The following CNTN5 variants were observed in gnomAD, a reference collection of about 807,000 sequenced individuals.
CNTN5 encodes the protein contactin-5.
In CNTN5, 77 loss-of-function variants were observed where a neutral mutation model predicts 129.1. The ratio of observed to expected loss-of-function variants is 0.60; its 90% CI spans 0.50 to 0.72. CNTN5 has a LOEUF of 0.72. Among genes scored for constraint, CNTN5 ranks in the 30% least tolerant of loss-of-function variants. CNTN5 has a pLI of 0.00. For synonymous variants in CNTN5, 509 were observed against 465.6 expected (o/e 1.09, Z -1.20); for missense variants, 1,478 against 1,328.8 (o/e 1.11, Z -1.75).
intron 1 of CNTN5, among the ~76,000 whole-genome samples, chr11:99,276,007 T>A (rs1203556012): frequency 6.6e-6 from 1 of 151,658 alleles, no homozygotes; most frequent in Non-Finnish European, 1.5e-5. Flanking sequence ...TCTGCCCCAC[T>A]CTTTTCCTAG....
At chr11:99,565,042 T>C (rs1948958112) in intron 3 of CNTN5, among the ~76,000 whole-genome samples, 1 of 152,330 alleles carries the variant, frequency 6.6e-6, no homozygotes, top group East Asian at 1.9e-4. Context: ...ATCACAATAA[T>C]ATTTAGTACA....
chr11:100,033,850 C>T (rs1296332954), intron 9 of CNTN5, among the ~76,000 whole-genome samples: 3 of 152,194 alleles, frequency 2.0e-5, no homozygotes, highest in Admixed American at 1.3e-4. Flanking sequence ...AGGTCAGATG[C>T]TACTTTCCAG....
intron 17 of CNTN5, among the ~76,000 whole-genome samples, chr11:100,262,401 A>C (rs1393836762): frequency 6.6e-6 from 1 of 152,218 alleles, no homozygotes; most frequent in East Asian, 1.9e-4. Flanking sequence ...AAGGATATAG[A>C]ACTGGAAATA....
intron 3 of CNTN5, among the ~76,000 whole-genome samples, chr11:99,802,910 G>T (rs1946157403): frequency 6.6e-6 from 1 of 152,186 alleles, no homozygotes; most frequent in African/African-American, 2.4e-5. Context: ...AGGTGGCATG[G>T]CTCAGGCTGC....
At chr11:100,252,996 T>C (rs1168786700) in intron 16 of CNTN5, among the ~76,000 whole-genome samples, 2 of 152,092 alleles carry the variant, frequency 1.3e-5, no homozygotes, top group Non-Finnish European at 2.9e-5. Context: ...GTGAAAAAAT[T>C]GACTCCACCG....
chr11:100,314,846 G>T (rs992672949), intron 21 of CNTN5, among the ~76,000 whole-genome samples: 3 of 152,142 alleles, frequency 2.0e-5, no homozygotes, highest in African/African-American at 7.2e-5. Context: ...CCCTAAGTTG[G>T]CAGTCAAATT....
chr11:100,314,374 G>A (rs1487189490), intron 21 of CNTN5, among the ~76,000 whole-genome samples: 1 of 152,084 alleles, frequency 6.6e-6, no homozygotes, highest in Admixed American at 6.6e-5. Flanking sequence ...CTTTAACATG[G>A]TGTTTCCCTT....
At chr11:100,100,650 A>G (rs1945188208) in intron 13 of CNTN5, among the ~76,000 whole-genome samples, 1 of 152,136 alleles carries the variant, frequency 6.6e-6, no homozygotes, top group Non-Finnish European at 1.5e-5. Context: ...GAATCAATCA[A>G]AAACTACAGT....
intron 6 of CNTN5, among the ~76,000 whole-genome samples, chr11:99,874,937 T>C (rs1948594763): frequency 6.6e-6 from 1 of 152,152 alleles, no homozygotes; most frequent in Admixed American, 6.5e-5. Flanking sequence ...TTCCTCTCAG[T>C]GTGCTGTGAC....
intron 13 of CNTN5, among the ~76,000 whole-genome samples, chr11:100,078,531 C>T (rs961516799): frequency 2.6e-5 from 4 of 151,964 alleles, no homozygotes; most frequent in Non-Finnish European, 5.9e-5. Flanking sequence ...CTTATGAGTT[C>T]GTAGCGTTTA....
intron 8 of CNTN5, among the ~76,000 whole-genome samples, chr11:99,990,174 A>G (rs553365885): frequency 1.3e-5 from 2 of 152,210 alleles, no homozygotes; most frequent in East Asian, 1.9e-4. Flanking sequence ...ATTGATGCAC[A>G]TGGAAGGAGC....
At chr11:99,152,585 CTATTTTAT>C (rs1414158385) in intron 1 of CNTN5, among the ~76,000 whole-genome samples, 2 of 152,170 alleles carry the variant, frequency 1.3e-5, no homozygotes, top group Non-Finnish European at 2.9e-5. Context: ...CTGAGTTTTA[CTATTTTAT>C]TCAACTTGCT....
intron 6 of CNTN5, among the ~76,000 whole-genome samples, chr11:99,905,640 T>C (rs1021335235): frequency 9.2e-5 from 14 of 152,222 alleles, no homozygotes; most frequent in African/African-American, 3.4e-4. Context: ...TTTGGTTCCA[T>C]ATGAAATTTA....
chr11:99,413,756 T>C (rs1403128341), intron 2 of CNTN5, among the ~76,000 whole-genome samples: 1 of 152,206 alleles, frequency 6.6e-6, no homozygotes, highest in Non-Finnish European at 1.5e-5. Flanking sequence ...TGAAACTACA[T>C]ACAATTCATG....
intron 3 of CNTN5, among the ~76,000 whole-genome samples, chr11:99,608,277 A>G (rs183024477): frequency 1.1e-4 from 17 of 152,236 alleles, no homozygotes; most frequent in African/African-American, 3.4e-4. Context: ...TTACTGGCAG[A>G]TGTTACAGCC....
At chr11:99,096,236 T>A (rs1010756873) in intron 1 of CNTN5, among the ~76,000 whole-genome samples, 1 of 151,896 alleles carries the variant, frequency 6.6e-6, no homozygotes, top group Non-Finnish European at 1.5e-5. Context: ...CTATTAAAAT[T>A]AGTAAAAATG....
intron 13 of CNTN5, among the ~76,000 whole-genome samples, chr11:100,154,265 G>A (rs181709469): frequency 1.1e-3 from 170 of 152,164 alleles, no homozygotes; most frequent in Admixed American, 2.7e-3. Flanking sequence ...CCATGTCCCT[G>A]CAAAGGACAT....
At chr11:99,127,734 C>T (rs963538996) in intron 1 of CNTN5, among the ~76,000 whole-genome samples, 1 of 152,140 alleles carries the variant, frequency 6.6e-6, no homozygotes, top group Non-Finnish European at 1.5e-5. Flanking sequence ...ATTAATTGTC[C>T]TTCAAGATAT....
At chr11:99,925,147 AG>A (rs1430807473) in intron 7 of CNTN5, among the ~76,000 whole-genome samples, 1 of 152,178 alleles carries the variant, frequency 6.6e-6, no homozygotes. Flanking sequence ...CTCCAGTTAT[AG>A]GTGGAATTGT....
Sources: allele counts gnomAD v4.1 joint callset (sites outside exome capture counted in the v4.1 genomes callset), GRCh38; gene constraint gnomAD v4.1.1; transcripts MANE v1.5; gene names NCBI Gene and HGNC (gene_info 2026-07-23, HGNC 2026-07-21).